Variants in SH3KBP1 observed in about 807,000 individuals in gnomAD.
SH3KBP1 encodes SH3 domain containing kinase binding protein 1.
In SH3KBP1, 8 loss-of-function variants were observed where a neutral mutation model predicts 50.1. The observed-to-expected ratio is 0.16, with a 90% CI of 0.09 to 0.29. SH3KBP1 has a LOEUF of 0.29. SH3KBP1 is among the 10% of genes least tolerant of loss of function. The pLI, the probability that SH3KBP1 is intolerant of heterozygous loss-of-function variation, is 1.00. For missense variants in SH3KBP1, 377 were observed against 535.2 expected (o/e 0.70, Z 2.92); for synonymous variants, 227 against 218.6 (o/e 1.04, Z -0.34).
intron 2 of SH3KBP1, among the ~76,000 whole-genome samples, chrX:19,748,958 A>G (rs1167589003): frequency 8.9e-6 from 1 of 111,875 alleles, no homozygotes; most frequent in Non-Finnish European, 1.9e-5. Context: ...ACATAAAGGG[A>G]AAAAAATATA....
chrX:19,827,821 T>C (rs1468238823), intron 2 of SH3KBP1, among the ~76,000 whole-genome samples: 2 of 96,968 alleles, frequency 2.1e-5, no homozygotes, highest in African/African-American at 7.8e-5. Context: ...TAAATGACTT[T>C]AAGATATCAT....
intron 6 of SH3KBP1, among the ~76,000 whole-genome samples, chrX:19,668,084 A>C (rs1394206216): frequency 1.8e-5 from 2 of 111,671 alleles, no homozygotes; most frequent in Non-Finnish European, 3.8e-5. Context: ...TAGGGATATC[A>C]TGAGGCTATC....
At chrX:19,647,049 C>T (rs1481129322) in intron 6 of SH3KBP1, among the ~76,000 whole-genome samples, 1 of 112,265 alleles carries the variant, frequency 8.9e-6, no homozygotes, top group African/African-American at 3.2e-5. Context: ...GTAAAAATAG[C>T]AGCTCTCAAA....
At chrX:19,621,402 C>T (rs1483148089) in intron 8 of SH3KBP1, among the ~76,000 whole-genome samples, 1 of 109,976 alleles carries the variant, frequency 9.1e-6, no homozygotes, top group African/African-American at 3.3e-5. Flanking sequence ...AACACCATTT[C>T]TTGAAAAGAT....
rs1416434920 is a variant in SH3KBP1 at position 19,824,778 on chromosome X, C to T, written c.162+11347G>A. ...ATTAAAACTCACTGAGGTCACAGCT[C>T]TCCCTGAGTCACAAGACCGCCCCCC... On this transcript the variant is annotated intron_variant, in intron 2 of 17. Coordinates refer to ENST00000397821, the MANE Select transcript of SH3KBP1 (RefSeq NM_031892.3). Among the ~76,000 whole-genome samples, 3 of 111,662 alleles carry T rather than the reference C, an allele frequency of 2.7e-5. No individual in the cohort carries two copies. In the Admixed American group the frequency reaches 2.9e-4, roughly 11 times the overall value.
chrX:19,668,658 T>C (rs1286235664), intron 6 of SH3KBP1, among the ~76,000 whole-genome samples: 3 of 103,914 alleles, frequency 2.9e-5, no homozygotes, highest in African/African-American at 1.0e-4. Flanking sequence ...GAGACCAGCC[T>C]GGCCAACATG....
At chrX:19,632,319 G>A (rs763464905) in intron 7 of SH3KBP1, among the ~76,000 whole-genome samples, 1 of 111,172 alleles carries the variant, frequency 9.0e-6, no homozygotes, top group East Asian at 2.8e-4. Context: ...GTCTACAGAG[G>A]GCAAAAAAAC....
rs181401922 is a variant in SH3KBP1, at chrX:19,884,936, G to A, written c.4+2371C>T. Among the ~76,000 whole-genome samples, 10 of 111,346 alleles carry A rather than the reference G, an allele frequency of 9.0e-5. No individual in the cohort carries two copies. The East Asian group carries it at 1.7e-3, about 19-fold the overall frequency. Reference sequence around the variant, plus strand: ...TCTTTTCTGTTATTTTTCAGAAAACGAAATATAAGATACAGTTTTACTATG... The same window carrying A: ...TCTTTTCTGTTATTTTTCAGAAAACAAAATATAAGATACAGTTTTACTATG... On this transcript the variant is annotated intron_variant, in intron 1 of 17. Transcript: ENST00000397821.
rs1436085912 is a variant in SH3KBP1 at position 19,887,385 on chromosome X, G to A, written c.-75C>T. On this transcript the variant is annotated 5_prime_UTR_variant, in exon 1 of 18. Coordinates refer to ENST00000397821, the MANE Select transcript of SH3KBP1 (RefSeq NM_031892.3). ...GCGGGCGTGGGGGTTGGGGCGCCGG[G>A]ATCGGGGCGCTGGGATCCAGGCGCG... 2.3e-6 allele frequency: 2 copies of A among 857,686 alleles called. No individual in the cohort carries two copies. Among genetic ancestry groups the A allele is most frequent in the East Asian group, 9.0e-5 (2 of 22,275 alleles). 70.7% of individuals were successfully genotyped at this position (857,686 alleles called of 1,213,427 possible). A position where few individuals can be genotyped will look rare whatever the true frequency, so the allele number is the denominator to read the frequency against.
chrX:19,866,996 C>T (rs934179494), intron 1 of SH3KBP1, among the ~76,000 whole-genome samples: 4 of 111,184 alleles, frequency 3.6e-5, no homozygotes, highest in South Asian at 7.8e-4. Flanking sequence ...AGTCAATATG[C>T]GATCCCATTA....
intron 1 of SH3KBP1, among the ~76,000 whole-genome samples, chrX:19,865,715 C>T (rs2068888596): frequency 8.9e-6 from 1 of 111,945 alleles, no homozygotes; most frequent in South Asian, 3.7e-4. Context: ...TATAATTCTT[C>T]AAAGAGTGAG....
intron 4 of SH3KBP1, among the ~76,000 whole-genome samples, chrX:19,700,259 T>C (rs2063510557): frequency 8.9e-6 from 1 of 112,169 alleles, no homozygotes; most frequent in Non-Finnish European, 1.9e-5. Context: ...AGTAACTAAA[T>C]GAAAATTGTA....
intron 2 of SH3KBP1, among the ~76,000 whole-genome samples, chrX:19,789,179 C>T (rs996637426): frequency 7.2e-5 from 8 of 111,086 alleles, no homozygotes; most frequent in Non-Finnish European, 3.8e-5. Context: ...TCAAACCAGA[C>T]GGGGTCAGAA....
At chrX:19,633,239 T>G (rs2061620416) in intron 7 of SH3KBP1, among the ~76,000 whole-genome samples, 1 of 111,437 alleles carries the variant, frequency 9.0e-6, no homozygotes, top group East Asian at 2.8e-4. Context: ...TGTGCAGATG[T>G]TTTCATATTC....
intron 3 of SH3KBP1, among the ~76,000 whole-genome samples, chrX:19,741,614 A>T (rs2064772532): frequency 8.9e-6 from 1 of 112,303 alleles, no homozygotes; most frequent in Non-Finnish European, 1.9e-5. Flanking sequence ...AAAGCCAACC[A>T]GAAACCCACG....
intron 12 of SH3KBP1, among the ~76,000 whole-genome samples, chrX:19,569,649 G>C (rs1416802019): frequency 2.7e-5 from 3 of 112,282 alleles, no homozygotes; most frequent in East Asian, 5.6e-4. Context: ...CATCAGCCAG[G>C]CTGTTGAAAG....
chrX:19,564,526 A>G (rs1264927756), intron 13 of SH3KBP1, among the ~76,000 whole-genome samples: 1 of 110,539 alleles, frequency 9.0e-6, no homozygotes, highest in Non-Finnish European at 1.9e-5. Flanking sequence ...GCAAGCCTTA[A>G]GATGGCCCCT....
intron 6 of SH3KBP1, among the ~76,000 whole-genome samples, chrX:19,677,486 A>C (rs1263511251): frequency 2.7e-5 from 3 of 111,267 alleles, no homozygotes; most frequent in Admixed American, 9.5e-5. Flanking sequence ...CTACATTTAC[A>C]GTTCTCTCCC....
At chrX:19,796,553 T>C (rs1282391312) in intron 2 of SH3KBP1, among the ~76,000 whole-genome samples, 1 of 111,813 alleles carries the variant, frequency 8.9e-6, no homozygotes, top group African/African-American at 3.3e-5. Context: ...TCTGAGAGCA[T>C]CAGGGCAGGG....
Sources: gnomAD v4.1 joint callset for allele counts (sites outside exome capture counted in the v4.1 genomes callset) on GRCh38, gnomAD v4.1.1 for gene constraint, MANE v1.5 for transcripts, NCBI Gene and HGNC (gene_info 2026-07-23, HGNC 2026-07-21) for gene names.